Variants in EHBP1 observed in about 807,000 individuals in gnomAD.
The protein encoded by EHBP1 is EH domain-binding protein 1.
A neutral mutation model predicts 144.0 loss-of-function variants in EHBP1; 55 were observed. That is an observed-to-expected ratio of 0.38 (90% CI 0.31 to 0.48). The LOEUF (loss-of-function observed/expected upper bound fraction) is 0.48, where lower values mean the gene tolerates loss of function less well. Among genes scored for constraint, EHBP1 ranks in the 20% least tolerant of loss-of-function variants. The probability of loss-of-function intolerance (pLI) is 0.98; values close to 1 mark genes in which losing one functional copy is unlikely to be tolerated. For synonymous variants in EHBP1, 469 were observed against 472.7 expected (o/e 0.99, Z 0.10); for missense variants, 1,200 against 1,364.2 (o/e 0.88, Z 1.90).
intron 19 of EHBP1, among the ~76,000 whole-genome samples, chr2:62,997,110 C>T (rs2059664135): frequency 6.6e-6 from 1 of 152,018 alleles, no homozygotes; most frequent in Non-Finnish European, 1.5e-5. Context: ...AAAGATTTGG[C>T]CAGCTAAAGC....
chr2:62,913,872 T>G (rs566821830), intron 10 of EHBP1, among the ~76,000 whole-genome samples: 10 of 152,306 alleles, frequency 6.6e-5, no homozygotes, highest in African/African-American at 2.2e-4. Flanking sequence ...AGCCTGAACA[T>G]TGTATATGAT....
At position 62,980,245 on chromosome 2, in the gene EHBP1, C is replaced by T. The variant is rs543963872; in HGVS notation, c.2608+910C>T. Among the ~76,000 whole-genome samples, 137 of 152,168 alleles carry T rather than the reference C, an allele frequency of 9.0e-4. 1 individual carries two copies. Among genetic ancestry groups the T allele is most frequent in the Non-Finnish European group, 1.7e-3 (117 of 68,024 alleles). ...AACTGTTTCACCTCAGATCATCAGG[C>T]ATTAGTTAGATTCTCATAAGGAGCA... On this transcript the variant is annotated intron_variant, in intron 15 of 22. Transcript: ENST00000431489.
At chr2:62,755,882 T>C (rs1217081511) in intron 3 of EHBP1, among the ~76,000 whole-genome samples, 3 of 152,202 alleles carry the variant, frequency 2.0e-5, no homozygotes, top group Non-Finnish European at 4.4e-5. Flanking sequence ...AATAATTAGC[T>C]TGAATGCCAC....
intron 5 of EHBP1, among the ~76,000 whole-genome samples, chr2:62,818,428 T>C (rs1297772249): frequency 6.6e-6 from 1 of 152,120 alleles, no homozygotes; most frequent in Non-Finnish European, 1.5e-5. Flanking sequence ...AGTAACATGC[T>C]GTACAGGTTT....
At chr2:62,965,057 C>T (rs1459537693) in intron 14 of EHBP1, 2 of 152,596 alleles carry the variant, frequency 1.3e-5, no homozygotes, top group Admixed American at 1.3e-4. Context: ...CTTGTGTTCA[C>T]TGGAACGTTA....
chr2:62,702,637 A>T (rs2034312108), upstream of EHBP1, among the ~76,000 whole-genome samples: 1 of 152,224 alleles, frequency 6.6e-6, no homozygotes, highest in Non-Finnish European at 1.5e-5. Context: ...CAGTCTTGGT[A>T]CCAATTGAAT....
chr2:62,733,708 G>A (rs1181500377), intron 2 of EHBP1, among the ~76,000 whole-genome samples: 1 of 152,190 alleles, frequency 6.6e-6, no homozygotes, highest in Admixed American at 6.5e-5. Context: ...CTTTGCCGGA[G>A]GGCATTTTTA....
intron 5 of EHBP1, among the ~76,000 whole-genome samples, chr2:62,797,638 A>G (rs913946848): frequency 6.6e-6 from 1 of 152,216 alleles, no homozygotes; most frequent in Admixed American, 6.5e-5. Context: ...TTGCCTGTTA[A>G]TTGTGGATGG....
chr2:63,027,780 A>C (rs1458421519), intron 19 of EHBP1, among the ~76,000 whole-genome samples: 1 of 152,204 alleles, frequency 6.6e-6, no homozygotes, highest in East Asian at 1.9e-4. Context: ...TAGAGAACAC[A>C]GTGGTGGTTA....
intron 2 of EHBP1, among the ~76,000 whole-genome samples, chr2:62,720,678 T>C (rs2036139920): frequency 6.6e-6 from 1 of 152,208 alleles, no homozygotes; most frequent in African/African-American, 2.4e-5. Context: ...ATTTTGAAAC[T>C]TTTTATGGAA....
chr2:62,895,985 A>G lies in EHBP1; in HGVS notation c.1185+21453A>G, dbSNP rs74932623. Among the ~76,000 whole-genome samples, 40 of 152,330 alleles carry G rather than the reference A, an allele frequency of 2.6e-4. 1 individual carries two copies. In the East Asian group the frequency reaches 7.5e-3, roughly 29 times the overall value. ...AATTTAATGTTAGGTGTTTTCTACT[A>G]CAATTTAAAAAATATTTATTGAGCA... On this transcript the variant is annotated intron_variant, in intron 10 of 22. Transcript: ENST00000431489.
chr2:62,968,986 G>T lies in EHBP1; in HGVS notation c.2461-10202G>T, dbSNP rs1289920660. Among the ~76,000 whole-genome samples, 3 of 152,112 alleles carry T rather than the reference G, an allele frequency of 2.0e-5. No individual in the cohort carries two copies. In the East Asian group the frequency reaches 5.8e-4, roughly 29 times the overall value. On this transcript the variant is annotated intron_variant, in intron 14 of 22. Coordinates refer to ENST00000431489, the MANE Select transcript of EHBP1 (RefSeq NM_001142616.3). ...GCAAGAGGCCTTGGATGTAACACAA[G>T]GTGATACTTACTTAGTCAGCCATTC...
At chr2:62,928,518 A>G (rs2055715503) in intron 10 of EHBP1, among the ~76,000 whole-genome samples, 1 of 152,184 alleles carries the variant, frequency 6.6e-6, no homozygotes, top group African/African-American at 2.4e-5. Flanking sequence ...CACTTAGGAA[A>G]GAGCAAATTG....
At chr2:62,857,496 A>G (rs186009787) in intron 7 of EHBP1, among the ~76,000 whole-genome samples, 9 of 152,342 alleles carry the variant, frequency 5.9e-5, no homozygotes, top group Admixed American at 5.2e-4. Flanking sequence ...TTACAATGTT[A>G]AAGAACAGTA....
At chr2:62,938,359 T>C (rs1472145027) in intron 10 of EHBP1, among the ~76,000 whole-genome samples, 2 of 152,208 alleles carry the variant, frequency 1.3e-5, no homozygotes, top group Non-Finnish European at 1.5e-5. Flanking sequence ...TAGAGGAATA[T>C]GTGGCTGTAT....
chr2:62,990,874 T>A (rs781032178), intron 16 of EHBP1, 34 bp downstream of exon 16: 50 of 1,565,400 alleles, frequency 3.2e-5, no homozygotes, highest in Non-Finnish European at 4.2e-5. Context: ...TTTGGCTTAG[T>A]ATCTGTGTCT....
At chr2:62,693,294 G>T (rs997155796) in intron 1 of EHBP1, among the ~76,000 whole-genome samples, 6 of 151,908 alleles carry the variant, frequency 3.9e-5, no homozygotes, top group African/African-American at 1.5e-4. Context: ...CCAAATCTTG[G>T]CATTGTGAAT....
chr2:62,769,467 A>C (rs573427168), intron 4 of EHBP1, among the ~76,000 whole-genome samples: 1 of 152,102 alleles, frequency 6.6e-6, no homozygotes, highest in Admixed American at 6.6e-5. Flanking sequence ...TGAAAGATCT[A>C]TATGATGAAA....
At chr2:62,893,763 G>C (rs561166154) in intron 10 of EHBP1, among the ~76,000 whole-genome samples, 5 of 152,102 alleles carry the variant, frequency 3.3e-5, no homozygotes, top group African/African-American at 1.2e-4. Context: ...ATGTATTAAG[G>C]CTGGGCATGG....
Sources: gnomAD v4.1 joint callset for allele counts (sites outside exome capture counted in the v4.1 genomes callset) on GRCh38, gnomAD v4.1.1 for gene constraint, MANE v1.5 for transcripts, NCBI Gene and HGNC (gene_info 2026-07-23, HGNC 2026-07-21) for gene names.